The following MATR3 variants were observed in gnomAD, a reference collection of about 807,000 sequenced individuals.
The protein encoded by MATR3 is matrin-3.
Under a neutral mutation model 85.5 loss-of-function variants are expected in MATR3, and 4 were observed. That is an observed-to-expected ratio of 0.05 (90% CI 0.02 to 0.11). The LOEUF (loss-of-function observed/expected upper bound fraction) is 0.11. MATR3 is among the 10% of genes least tolerant of loss of function. The probability of loss-of-function intolerance (pLI) is 1.00; values close to 1 mark genes in which losing one functional copy is unlikely to be tolerated. For missense variants in MATR3, 685 were observed against 1,016.1 expected (o/e 0.67, Z 4.43); for synonymous variants, 336 against 343.1 (o/e 0.98, Z 0.23).
intron 2 of MATR3, among the ~76,000 whole-genome samples, chr5:139,278,161 G>T (rs1403533380): frequency 6.6e-6 from 1 of 152,056 alleles, no homozygotes. Flanking sequence ...TGACCCAGGA[G>T]ATTGAGACTA....
In MATR3 at chr5:139,331,362, A is replaced by G. The variant is rs1394130517; in HGVS notation, c.*1967A>G. The stretch of plus-strand genomic sequence containing the variant: ...AGGTACATAAAGCATTATGTGCACA[A>G]TGGAGTTCTTCAGTGTTTCCTTTCA... On this transcript the variant is annotated 3_prime_UTR_variant, in exon 15 of 15. Coordinates refer to ENST00000394805, the MANE Select transcript of MATR3 (RefSeq NM_018834.6). 4.4e-6 allele frequency: 2 copies of G among 454,158 alleles called. No individual in the cohort carries two copies. Among genetic ancestry groups the G allele is most frequent in the Non-Finnish European group, 8.8e-6 (2 of 226,802 alleles). The allele number at this position is 454,158 out of a possible 1,614,324, so 28.1% of individuals were successfully genotyped here. A position where few individuals can be genotyped will look rare whatever the true frequency, so the allele number is the denominator to read the frequency against.
In MATR3 at chr5:139,330,228, A is replaced by G. The variant is rs1309751569; in HGVS notation, c.*833A>G. The stretch of plus-strand genomic sequence containing the variant: ...TTTTACATTTCTGCATTTTTAAAAC[A>G]GTTTGGCCATAATCCTAGATGCACG... On this transcript the variant is annotated 3_prime_UTR_variant, in exon 15 of 15. Coordinates refer to ENST00000394805, the MANE Select transcript of MATR3 (RefSeq NM_018834.6). The G allele has an allele frequency of 2.2e-6, 1 of 454,328 alleles. No homozygotes were observed. The highest frequency in any genetic ancestry group is 4.4e-6 in the Non-Finnish European group (1 of 226,622). The allele number at this position is 454,328 out of a possible 1,614,324, so 28.1% of individuals were successfully genotyped here.
At chr5:139,299,976 C>A (rs1476792515) in intron 1 of MATR3, 1 of 152,228 alleles carries the variant, frequency 6.6e-6, no homozygotes, top group Non-Finnish European at 1.5e-5. Flanking sequence ...GTGATTTAAA[C>A]ACAGGTTGGC....
At chr5:139,277,462 TTC>T (rs1283519767) in intron 2 of MATR3, among the ~76,000 whole-genome samples, 1 of 152,184 alleles carries the variant, frequency 6.6e-6, no homozygotes, top group East Asian at 1.9e-4. Context: ...CTTAATAGGA[TTC>T]TCTCAACTAA....
At chr5:139,306,707 A>T (rs553110245) in intron 1 of MATR3, among the ~76,000 whole-genome samples, 10 of 152,192 alleles carry the variant, frequency 6.6e-5, no homozygotes, top group Non-Finnish European at 1.3e-4. Context: ...TAAAGGTCTC[A>T]GCTATTATGT....
In MATR3 at chr5:139,307,862, A is replaced by G; in HGVS notation, c.447A>G (p.Arg149=). 2 of 1,614,106 alleles carry G rather than the reference A, an allele frequency of 1.2e-6. No homozygotes were observed. Among genetic ancestry groups the G allele is most frequent in the South Asian group, 1.1e-5 (1 of 91,086 alleles). Residue 149 remains arginine, a synonymous_variant, in exon 2 of 15, where the codon AGA becomes AGG. Transcript: ENST00000394805. The surrounding 1 kb of genome is among the most constrained non-coding windows in gnomAD (Gnocchi z 4.4). ...PQILLQLKRR[R]TEEGPTLSYG... is the part of the protein sequence containing the mutation. ...TCCTTCTACAGCTTAAAAGGAGGAG[A>G]ACTGAAGAAGGCCCTACCTTGAGTT...
At chr5:139,304,963 C>T (rs1754634159) in intron 1 of MATR3, among the ~76,000 whole-genome samples, 1 of 152,146 alleles carries the variant, frequency 6.6e-6, no homozygotes. Flanking sequence ...AACAATGTTG[C>T]CACATCTGGT....
chr5:139,279,207 T>C (rs1318653445), intron 3 of MATR3: 2 of 452,568 alleles, frequency 4.4e-6, no homozygotes, highest in African/African-American at 4.0e-5. Context: ...AAAATTATGA[T>C]GTGAAAAATT....
chr5:139,288,679 C>T (rs1041978709), intron 3 of MATR3, among the ~76,000 whole-genome samples: 6 of 151,926 alleles, frequency 3.9e-5, no homozygotes, highest in African/African-American at 7.3e-5. Context: ...CTCACTCTGT[C>T]GCCCAGGCTG....
At position 139,329,424 on chromosome 5, in the gene MATR3, A is replaced by G. The variant is rs764542523; in HGVS notation, c.*29A>G. On this transcript the variant is annotated 3_prime_UTR_variant, in exon 15 of 15. Transcript: ENST00000394805. The stretch of plus-strand genomic sequence containing the variant: ...GTGCAAGGAGATTTAATGATTTCAA[A>G]GAAAATAATGGTTCTTTGTTTTTAA... The G allele has an allele frequency of 1.9e-4, 295 of 1,576,392 alleles. No individual in the cohort carries two copies. Among genetic ancestry groups the G allele is most frequent in the Non-Finnish European group, 2.1e-4 (237 of 1,147,442 alleles).
At chr5:139,277,761 C>CTTTTT (rs35759733) in intron 2 of MATR3, among the ~76,000 whole-genome samples, 2 of 128,036 alleles carry the variant, frequency 1.6e-5, no homozygotes, top group Non-Finnish European at 3.2e-5. Flanking sequence ...GTCTGCTCGT[C>CTTTTT]TTTTTTTTTT....
intron 4 of MATR3, 104 bp from the exon 5 acceptor site, chr5:139,315,972 T>C: frequency 1.1e-6 from 1 of 902,064 alleles, no homozygotes; most frequent in South Asian, 1.3e-5. Context: ...TCTGAAAGAT[T>C]GAAGTGGTTG....
chr5:139,324,450 G>T (rs577703118), intron 12 of MATR3, among the ~76,000 whole-genome samples: 16 of 152,026 alleles, frequency 1.1e-4, no homozygotes, highest in African/African-American at 3.9e-4. Context: ...ACCACCACAC[G>T]AGGCTAATTC....
At chr5:139,317,879 A>G (rs1001783003) in intron 7 of MATR3, among the ~76,000 whole-genome samples, 158 bp downstream of exon 7, 2 of 152,216 alleles carry the variant, frequency 1.3e-5, no homozygotes, top group African/African-American at 4.8e-5. Context: ...GTTGATGAAT[A>G]TAATAGGGTA....
At chr5:139,316,980 CG>C (rs1554147881) in intron 5 of MATR3, 72 bp from the exon 6 acceptor site, 3 of 1,215,724 alleles carry the variant, frequency 2.5e-6, no homozygotes, top group African/African-American at 3.0e-5. Context: ...GGAAGATGCA[CG>C]TTTTTCAGTA....
At chr5:139,293,245 GTTTA>G (rs746007565), upstream of MATR3, 7 of 152,058 alleles carry the variant, frequency 4.6e-5, no homozygotes, top group Admixed American at 6.6e-5. Context: ...GAGCAACACA[GTTTA>G]TTTATGATAA....
intron 4 of MATR3, 81 bp downstream of exon 4, chr5:139,315,819 C>CA: frequency 1.7e-6 from 2 of 1,187,172 alleles, no homozygotes; most frequent in Non-Finnish European, 2.5e-6. Context: ...ATTTCATAAA[C>CA]AAAGTATTTT....
intron 1 of MATR3, among the ~76,000 whole-genome samples, chr5:139,301,574 G>C (rs1165550962): frequency 6.6e-6 from 1 of 152,020 alleles, no homozygotes; most frequent in Admixed American, 6.6e-5. Context: ...CTCTCGCCTC[G>C]GCCTCCCAAA....
chr5:139,293,500 C>T (rs915564653), upstream of MATR3: 1 of 154,694 alleles, frequency 6.5e-6, no homozygotes, highest in East Asian at 1.9e-4. Context: ...ACTCGTAAGC[C>T]ACGTCTGTTC....
Sources: gnomAD v4.1 joint callset for allele counts (sites outside exome capture counted in the v4.1 genomes callset) on GRCh38, gnomAD v4.1.1 for gene constraint, Gnocchi (gnomAD v3.1) non-coding constraint, MANE v1.5 for transcripts, NCBI Gene and HGNC (gene_info 2026-07-23, HGNC 2026-07-21) for gene names.